TMEM132D: variants seen among roughly 807,000 people sequenced by gnomAD.
The protein encoded by TMEM132D is mature OL transmembrane protein.
Under a neutral mutation model 62.3 loss-of-function variants are expected in TMEM132D, and 21 were observed. That is an observed-to-expected ratio of 0.34 (90% confidence interval 0.24 to 0.49). The LOEUF is 0.49. Ranked by LOEUF, TMEM132D falls within the 20% of genes least tolerant of loss-of-function variation. The pLI, the probability that TMEM132D is intolerant of heterozygous loss-of-function variation, is 0.99. For missense variants in TMEM132D, 1,346 were observed against 1,402.8 expected (o/e 0.96, Z 0.65); for synonymous variants, 621 against 575.6 (o/e 1.08, Z -1.13).
In TMEM132D at chr12:129,252,609, C is replaced by T. The variant is rs1593312271; in HGVS notation, c.1300-42946G>A. On this transcript the variant is annotated intron_variant, in intron 4 of 8. Transcript: ENST00000422113. Reference sequence around the variant, plus strand: ...CTGTTGGTGGGACTGTAAACTAGTTCGACCATTGTGGAAGTCAGTGTGGCG... The same window carrying T: ...CTGTTGGTGGGACTGTAAACTAGTTTGACCATTGTGGAAGTCAGTGTGGCG... 7.2e-5 allele frequency among the ~76,000 whole-genome samples: 11 copies of T among 152,252 alleles called. No individual in the cohort carries two copies. In the South Asian group the frequency reaches 2.3e-3, roughly 32 times the overall value.
chr12:129,734,395 T>C (rs1445354251), intron 1 of TMEM132D, among the ~76,000 whole-genome samples: 2 of 152,228 alleles, frequency 1.3e-5, no homozygotes, highest in Non-Finnish European at 2.9e-5. Flanking sequence ...TGCCATCTCC[T>C]CAGTGAAGTA....
chr12:129,389,905 G>A (rs1438944707), intron 3 of TMEM132D, among the ~76,000 whole-genome samples: 1 of 152,218 alleles, frequency 6.6e-6, no homozygotes, highest in East Asian at 1.9e-4. Context: ...CAGTCCATTT[G>A]ATTCCATGGT....
intron 1 of TMEM132D, among the ~76,000 whole-genome samples, chr12:129,712,838 G>A (rs1868427290): frequency 1.3e-5 from 2 of 152,108 alleles, no homozygotes; most frequent in Admixed American, 1.3e-4. Context: ...AGACTGGACA[G>A]CTGCAGCCAG....
At chr12:129,895,175 A>G (rs1316268331) in intron 1 of TMEM132D, among the ~76,000 whole-genome samples, 2 of 151,930 alleles carry the variant, frequency 1.3e-5, no homozygotes, top group Non-Finnish European at 2.9e-5. Context: ...AAAGCATAGC[A>G]CCCCCCAGGT....
At position 129,528,573 on chromosome 12, in the gene TMEM132D, T is replaced by C. The variant is rs75762548; in HGVS notation, c.1115+2486A>G. 2.2e-3 allele frequency among the ~76,000 whole-genome samples: 340 copies of C among 152,334 alleles called. 2 individuals are homozygous for C. Among genetic ancestry groups the C allele is most frequent in the African/African-American group, 7.6e-3 (314 of 41,580 alleles). On this transcript the variant is annotated intron_variant, in intron 3 of 8. Coordinates refer to ENST00000422113, the MANE Select transcript of TMEM132D (RefSeq NM_133448.3). ...TCCTTTGTGTAGACTTCTTGGGACA[T>C]AGTGTGCTCACAAAAGTACCCTTCT...
rs1015853734 is a variant in TMEM132D at position 129,081,424 on chromosome 12, G to A, written c.1923+335C>T. Among the ~76,000 whole-genome samples the A allele has an allele frequency of 4.6e-5, 7 of 152,154 alleles. No individual in the cohort carries two copies. In the East Asian group the frequency reaches 9.7e-4, roughly 21 times the overall value. On this transcript the variant is annotated intron_variant, in intron 7 of 8. Transcript: ENST00000422113. ...AGCGATCCTTGCACCTCAGCCTCCCGAGTAGCTGGGACCACAGGCATGCAC... is the reference window on the plus strand; with the variant it reads ...AGCGATCCTTGCACCTCAGCCTCCCAAGTAGCTGGGACCACAGGCATGCAC...
At chr12:129,459,454 T>C (rs7976577) in intron 3 of TMEM132D, among the ~76,000 whole-genome samples, 20,020 of 152,094 alleles carry the variant, frequency 0.13, 1,416 homozygotes, top group South Asian at 0.2. Flanking sequence ...GACAGAGCCT[T>C]TCTCTCCTGA....
chr12:129,230,315 G>A (rs182964034), intron 4 of TMEM132D, among the ~76,000 whole-genome samples: 27 of 150,452 alleles, frequency 1.8e-4, no homozygotes, highest in African/African-American at 3.7e-4. Flanking sequence ...GGAGGGGGGG[G>A]GCTCCCCAGC....
intron 4 of TMEM132D, among the ~76,000 whole-genome samples, chr12:129,335,999 A>C (rs1401377801): frequency 6.6e-6 from 1 of 152,226 alleles, no homozygotes; most frequent in Non-Finnish European, 1.5e-5. Context: ...TGAGGTAATC[A>C]TGAGGATGGA....
intron 3 of TMEM132D, among the ~76,000 whole-genome samples, chr12:129,350,373 C>T (rs1869825074): frequency 1.3e-5 from 2 of 152,142 alleles, no homozygotes; most frequent in Non-Finnish European, 2.9e-5. Flanking sequence ...CCATAGTACC[C>T]CAACTGCAGT....
chr12:129,607,868 A>C (rs1249532206), intron 2 of TMEM132D, among the ~76,000 whole-genome samples: 1 of 152,188 alleles, frequency 6.6e-6, no homozygotes, highest in Admixed American at 6.5e-5. Flanking sequence ...TCCAGCTTTT[A>C]ATTCCACCCA....
In TMEM132D at chr12:129,827,277, G is replaced by A. The variant is rs906652130; in HGVS notation, c.79+75984C>T. On this transcript the variant is annotated intron_variant, in intron 1 of 8. Coordinates refer to ENST00000422113, the MANE Select transcript of TMEM132D (RefSeq NM_133448.3). The surrounding 1 kb of genome is among the most constrained non-coding windows in gnomAD (Gnocchi z 9.7). The stretch of plus-strand genomic sequence containing the variant: ...TTTGCAGATGAAGACACTGAGGCTT[G>A]AAGAAACTAAGTAATTTGCCCAACA... Among the ~76,000 whole-genome samples, 1 of 152,142 alleles carries A rather than the reference G, an allele frequency of 6.6e-6. No homozygotes were observed. The highest frequency in any genetic ancestry group is 1.5e-5 in the Non-Finnish European group (1 of 68,030).
At chr12:129,697,130 A>C (rs1881227710) in intron 2 of TMEM132D, among the ~76,000 whole-genome samples, 1 of 152,176 alleles carries the variant, frequency 6.6e-6, no homozygotes, top group Non-Finnish European at 1.5e-5. Flanking sequence ...GCTATCAACA[A>C]AGAACTCAAA....
intron 2 of TMEM132D, among the ~76,000 whole-genome samples, chr12:129,606,330 T>C (rs886450201): frequency 1.3e-5 from 2 of 152,044 alleles, no homozygotes; most frequent in African/African-American, 2.4e-5. Context: ...CTTGGGGAAA[T>C]TGACAAAAGA....
At chr12:129,268,789 C>T (rs543995828) in intron 4 of TMEM132D, among the ~76,000 whole-genome samples, 15 of 152,020 alleles carry the variant, frequency 9.9e-5, no homozygotes, top group African/African-American at 1.9e-4. Context: ...CAATGAGAGA[C>T]TGGATTAAGA....
chr12:129,406,841 GC>G (rs1048725772), intron 3 of TMEM132D, among the ~76,000 whole-genome samples: 11 of 152,132 alleles, frequency 7.2e-5, no homozygotes, highest in Non-Finnish European at 1.6e-4. Flanking sequence ...TAGCCTGTAC[GC>G]CCAGCAGAAG....
At chr12:129,680,131 C>G (rs1280923835) in intron 2 of TMEM132D, among the ~76,000 whole-genome samples, 1 of 152,208 alleles carries the variant, frequency 6.6e-6, no homozygotes, top group Non-Finnish European at 1.5e-5. Flanking sequence ...TCACTCAACT[C>G]TGTGTGTGCC....
At chr12:129,374,269 C>CAGAGAGAGAGAGAG (rs35178347) in intron 3 of TMEM132D, among the ~76,000 whole-genome samples, 15,266 of 144,098 alleles carry the variant, frequency 0.11, 942 homozygotes, top group Non-Finnish European at 0.13. Flanking sequence ...CCTCACACAT[C>CAGAGAGAGAGAGAG]AGAGAGAGAG....
intron 3 of TMEM132D, among the ~76,000 whole-genome samples, chr12:129,445,939 G>A (rs1037729444): frequency 1.3e-4 from 20 of 152,246 alleles, no homozygotes; most frequent in East Asian, 5.8e-4. Flanking sequence ...AGTCCTCAGC[G>A]TATCCCCGGG....
Sources: allele counts gnomAD v4.1 joint callset (sites outside exome capture counted in the v4.1 genomes callset), GRCh38; gene constraint gnomAD v4.1.1; non-coding constraint Gnocchi (gnomAD v3.1); transcripts MANE v1.5; gene names NCBI Gene and HGNC (gene_info 2026-07-23, HGNC 2026-07-21).